The following PIK3C2A variants were observed in gnomAD, a reference collection of about 807,000 sequenced individuals.
The protein encoded by PIK3C2A is phosphatidylinositol 4-phosphate 3-kinase C2 domain-containing subunit alpha.
A neutral mutation model predicts 204.5 loss-of-function variants in PIK3C2A; 97 were observed. The ratio of observed to expected loss-of-function variants is 0.47; its 90% CI spans 0.40 to 0.56. The LOEUF (loss-of-function observed/expected upper bound fraction) is 0.56, where lower values mean the gene tolerates loss of function less well. PIK3C2A is among the 20% of genes least tolerant of loss of function. The pLI, the probability that PIK3C2A is intolerant of heterozygous loss-of-function variation, is 0.00. For synonymous variants in PIK3C2A, 653 were observed against 664.4 expected (o/e 0.98, Z 0.26); for missense variants, 1,735 against 1,969.2 (o/e 0.88, Z 2.25).
intron 1 of PIK3C2A, among the ~76,000 whole-genome samples, chr11:17,179,392 C>T (rs1851455907): frequency 6.6e-6 from 1 of 152,042 alleles, no homozygotes. Flanking sequence ...AAACTCCTGG[C>T]TCAAAGCAAT....
At chr11:17,120,736 C>T (rs1849342786) in intron 15 of PIK3C2A, among the ~76,000 whole-genome samples, 1 of 152,120 alleles carries the variant, frequency 6.6e-6, no homozygotes, top group African/African-American at 2.4e-5. Flanking sequence ...ACACTATATA[C>T]ACTATTCTAC....
intron 32 of PIK3C2A, 97 bp from the exon 33 acceptor site, chr11:17,090,017 G>C (rs1565232236): frequency 1.1e-6 from 1 of 875,572 alleles, no homozygotes; most frequent in East Asian, 2.4e-5. Flanking sequence ...TAGCCAAAGA[G>C]TGACCACAAT....
intron 12 of PIK3C2A, 144 bp downstream of exon 12, chr11:17,131,772 C>A: frequency 1.4e-6 from 1 of 718,608 alleles, no homozygotes; most frequent in Non-Finnish European, 2.4e-6. Flanking sequence ...AAAATCATAT[C>A]TAGAAGAGAG....
At chr11:17,163,345 G>A (rs1850844829) in intron 2 of PIK3C2A, among the ~76,000 whole-genome samples, 2 of 152,104 alleles carry the variant, frequency 1.3e-5, no homozygotes, top group Non-Finnish European at 1.5e-5. Context: ...AATAGGACTT[G>A]TTTAATTTTA....
At chr11:17,143,438 G>C (rs960129361) in intron 8 of PIK3C2A, among the ~76,000 whole-genome samples, 1 of 151,892 alleles carries the variant, frequency 6.6e-6, no homozygotes, top group Non-Finnish European at 1.5e-5. Context: ...CAGATCACAG[G>C]ACTAAACAAT....
At position 17,150,537 on chromosome 11, in the gene PIK3C2A, T is replaced by C. The variant is rs746978745; in HGVS notation, c.1288A>G (p.Ile430Val). 8.1e-6 allele frequency: 13 copies of C among 1,609,754 alleles called. No homozygotes were observed. The highest frequency in any genetic ancestry group is 1.1e-5 in the Non-Finnish European group (13 of 1,178,074). Residue 430 changes from isoleucine (I) to valine (V), a missense_variant, in exon 4 of 33, where the codon ATT (isoleucine) becomes GTT (valine). Coordinates refer to ENST00000691414, the MANE Select transcript of PIK3C2A (RefSeq NM_002645.4). ...GTAACTGGTAGCTGAAATCCTTCAA[T>C]GTCAATGGAGACCTTCACACTAGCA... ...ENASVKVSID[I>V]EGFQLPVTFT...
intron 2 of PIK3C2A, among the ~76,000 whole-genome samples, chr11:17,159,964 T>C (rs556649268): frequency 3.3e-5 from 5 of 152,312 alleles, no homozygotes; most frequent in Admixed American, 2.0e-4. Flanking sequence ...CTTCAACTAA[T>C]TGGATGAGGC....
At chr11:17,184,090 T>C (rs1347027042) in intron 1 of PIK3C2A, among the ~76,000 whole-genome samples, 1 of 152,030 alleles carries the variant, frequency 6.6e-6, no homozygotes, top group Non-Finnish European at 1.5e-5. Context: ...CCACTGTACC[T>C]CTTGCCTGAG....
At position 17,119,901 on chromosome 11, in the gene PIK3C2A, T is replaced by C. The variant is rs749741960; in HGVS notation, c.2731A>G (p.Lys911Glu). ...CAGTTTGGGGCGCTTGCTAATATTT[T>C]AGGAAGACAATTTGGGTGTTTGAAG... is the stretch of plus-strand genomic sequence containing the variant. ...YCFKHPNCLP[K>E]ILASAPNWKW... is the part of the protein sequence containing the mutation. The change falls in exon 16 of 33, where the codon AAA becomes GAA. Residue 911 changes from lysine to glutamate, a missense_variant. Lys to Glu is a moderately conservative substitution (Grantham distance 56). Transcript: ENST00000691414. The C allele has an allele frequency of 5.6e-6, 9 of 1,611,804 alleles. No homozygotes were observed. In the Admixed American group the frequency reaches 1.5e-4, roughly 27 times the overall value.
chr11:17,161,326 G>A (rs1850769924), intron 2 of PIK3C2A, among the ~76,000 whole-genome samples: 1 of 152,080 alleles, frequency 6.6e-6, no homozygotes, highest in African/African-American at 2.4e-5. Context: ...AATATACTCA[G>A]TCAGACTATG....
intron 27 of PIK3C2A, among the ~76,000 whole-genome samples, chr11:17,094,699 C>A (rs139753883): frequency 2.2e-4 from 34 of 152,184 alleles, no homozygotes; most frequent in African/African-American, 8.2e-4. Flanking sequence ...CCAGCCTGGG[C>A]AACAGAGCGA....
intron 1 of PIK3C2A, among the ~76,000 whole-genome samples, 171 bp downstream of exon 1, chr11:17,207,677 G>A (rs1031106745): frequency 6.6e-6 from 1 of 152,128 alleles, no homozygotes; most frequent in Non-Finnish European, 1.5e-5. Context: ...AGGGAGGGGG[G>A]AGTCGGGCTG....
intron 29 of PIK3C2A, 29 bp from the exon 30 acceptor site, chr11:17,092,097 G>C (rs1249660373): frequency 6.5e-7 from 1 of 1,538,002 alleles, no homozygotes; most frequent in South Asian, 1.1e-5. Context: ...CAATTCATTA[G>C]TTTAAATATT....
rs376894515 is a variant in PIK3C2A, at chr11:17,089,699, A to G, written c.*39T>C. Reference sequence around the variant, plus strand: ...TGTGTGCATGTATGCATGCACGTTTATAACTGTTCATGCTTCCAAAGCTCA... The same window carrying G: ...TGTGTGCATGTATGCATGCACGTTTGTAACTGTTCATGCTTCCAAAGCTCA... On this transcript the variant is annotated 3_prime_UTR_variant, in exon 33 of 33. Transcript: ENST00000691414. 3.3e-5 allele frequency: 47 copies of G among 1,417,644 alleles called. No individual in the cohort carries two copies. Among genetic ancestry groups the G allele is most frequent in the Non-Finnish European group, 4.6e-5 (46 of 1,009,350 alleles). The allele number at this position is 1,417,644 out of a possible 1,614,324, so 87.8% of individuals were successfully genotyped here.
intron 1 of PIK3C2A, among the ~76,000 whole-genome samples, chr11:17,198,871 C>T (rs897921527): frequency 6.6e-6 from 1 of 152,006 alleles, no homozygotes; most frequent in Non-Finnish European, 1.5e-5. Context: ...ATAATCCCAG[C>T]ACTTTGGGAG....
intron 5 of PIK3C2A, 61 bp downstream of exon 5, chr11:17,148,606 T>C (rs570713392): frequency 2.0e-6 from 3 of 1,478,516 alleles, no homozygotes; most frequent in South Asian, 2.4e-5. Context: ...GAAATTTTTC[T>C]AGATTAAACC....
chr11:17,184,379 G>C (rs577058702), intron 1 of PIK3C2A, among the ~76,000 whole-genome samples: 92 of 152,132 alleles, frequency 6.0e-4, no homozygotes, highest in Non-Finnish European at 8.2e-4. Context: ...GAAAACAGCT[G>C]TATTGATTAT....
At chr11:17,165,716 G>C (rs144014332) in intron 2 of PIK3C2A, among the ~76,000 whole-genome samples, 93 of 139,826 alleles carry the variant, frequency 6.7e-4, no homozygotes, top group South Asian at 1.7e-3. Flanking sequence ...CAGAGGTTGC[G>C]GTGAGCTGAG....
rs151029169 is a variant in PIK3C2A, at chr11:17,186,417, T to C, written c.-65-16611A>G. On this transcript the variant is annotated intron_variant, in intron 1 of 32. Transcript: ENST00000691414. Reference sequence around the variant, plus strand: ...GATTTATTTGTCTGGTTTACTGCTATATTCCCAGCACTCTAGTCCTGGAAT... The same window carrying C: ...GATTTATTTGTCTGGTTTACTGCTACATTCCCAGCACTCTAGTCCTGGAAT... Among the ~76,000 whole-genome samples, 72 of 152,328 alleles carry C rather than the reference T, an allele frequency of 4.7e-4. 1 individual carries two copies. The highest frequency in any genetic ancestry group is 1.6e-3 in the African/African-American group (65 of 41,570).
Sources: allele counts gnomAD v4.1 joint callset (sites outside exome capture counted in the v4.1 genomes callset), GRCh38; gene constraint gnomAD v4.1.1; transcripts MANE v1.5; gene names NCBI Gene and HGNC (gene_info 2026-07-23, HGNC 2026-07-21).